The following C1QTNF3 variants were observed in gnomAD, a reference collection of about 807,000 sequenced individuals.
C1QTNF3 encodes C1q and TNF related 3, also known as complement C1q tumor necrosis factor-related protein 3.
Under a neutral mutation model 32.6 loss-of-function variants are expected in C1QTNF3, and 26 were observed. That is an observed-to-expected ratio of 0.80 (90% CI 0.58 to 1.11). The LOEUF is 1.11. Ranked by LOEUF, C1QTNF3 falls within the 50% of genes least tolerant of loss-of-function variation. The pLI, the probability that C1QTNF3 is intolerant of heterozygous loss-of-function variation, is 0.00. For missense variants in C1QTNF3, 362 were observed against 398.2 expected, an observed-to-expected ratio of 0.91 and a Z score of 0.77; for synonymous variants, 155 against 146.0, an observed-to-expected ratio of 1.06 and a Z score of -0.44.
At chr5:34,196,151 C>T in the C1QTNF3 span, among the ~76,000 whole-genome samples, 21 of 151,942 alleles carry the variant, frequency 1.4e-4, no homozygotes, top group African/African-American at 2.4e-4. Flanking sequence ...TGTTTGTTTG[C>T]TTTTGTTTTT....
At chr5:34,130,148 C>T in the C1QTNF3 span, among the ~76,000 whole-genome samples, 26 of 151,832 alleles carry the variant, frequency 1.7e-4, no homozygotes, top group African/African-American at 5.3e-4. Flanking sequence ...CACACACACA[C>T]ACATACATAC....
At chr5:34,118,949 G>C in the C1QTNF3 span, among the ~76,000 whole-genome samples, 1 of 151,606 alleles carries the variant, frequency 6.6e-6, no homozygotes. Flanking sequence ...TATATGTGTA[G>C]TGTGTGTGTT....
chr5:34,059,151 TCA>T, the C1QTNF3 span, among the ~76,000 whole-genome samples: 37 of 152,194 alleles, frequency 2.4e-4, no homozygotes, highest in Middle Eastern at 3.2e-3. Flanking sequence ...GTTTATTTTC[TCA>T]CAGTTTTGGG....
the C1QTNF3 span, among the ~76,000 whole-genome samples, chr5:34,056,416 A>ATGTGTG: frequency 1.6e-5 from 1 of 61,226 alleles, no homozygotes; most frequent in African/African-American, 4.6e-5. Context: ...ATATATGTAT[A>ATGTGTG]TGTATGTGTG....
At chr5:34,080,442 A>G in the C1QTNF3 span, among the ~76,000 whole-genome samples, 2 of 151,790 alleles carry the variant, frequency 1.3e-5, no homozygotes, top group Admixed American at 1.3e-4. Context: ...ATTTTTAAAT[A>G]TATATCATTT....
chr5:34,126,273 T>A, the C1QTNF3 span, among the ~76,000 whole-genome samples: 2 of 151,882 alleles, frequency 1.3e-5, no homozygotes, highest in East Asian at 1.9e-4. Flanking sequence ...GCCAAAGTTA[T>A]GTTTATTGAA....
the C1QTNF3 span, among the ~76,000 whole-genome samples, chr5:34,061,383 C>G: frequency 6.6e-6 from 1 of 152,096 alleles, no homozygotes; most frequent in African/African-American, 2.4e-5. Context: ...AGAACAGTGG[C>G]CTTCGTCTTG....
At chr5:34,150,331 T>A in the C1QTNF3 span, among the ~76,000 whole-genome samples, 5 of 108,728 alleles carry the variant, frequency 4.6e-5, no homozygotes, top group Non-Finnish European at 9.2e-5. Context: ...ACCCAGGAAT[T>A]GAACTCAGCT....
the C1QTNF3 span, among the ~76,000 whole-genome samples, chr5:34,088,414 T>C: frequency 6.6e-6 from 1 of 152,174 alleles, no homozygotes; most frequent in African/African-American, 2.4e-5. Context: ...AGAATGATAT[T>C]ATAAACATCC....
intron 4 of C1QTNF3, among the ~76,000 whole-genome samples, chr5:34,028,035 C>T (rs545519326): frequency 1.3e-5 from 2 of 152,108 alleles, no homozygotes; most frequent in East Asian, 1.9e-4. Context: ...TGCAGTCGCG[C>T]GATCTCCGCT....
chr5:34,213,090 T>C, the C1QTNF3 span, among the ~76,000 whole-genome samples: 2 of 152,220 alleles, frequency 1.3e-5, no homozygotes, highest in African/African-American at 4.8e-5. Context: ...TCATTTTCAA[T>C]AGAACACTAC....
the C1QTNF3 span, among the ~76,000 whole-genome samples, chr5:34,144,537 T>C: frequency 6.6e-5 from 10 of 152,110 alleles, no homozygotes; most frequent in African/African-American, 2.4e-4. Flanking sequence ...AGTCATAAAG[T>C]AAGTCTCAAT....
the C1QTNF3 span, among the ~76,000 whole-genome samples, chr5:34,216,937 C>T: frequency 2.6e-5 from 4 of 151,894 alleles, no homozygotes; most frequent in African/African-American, 7.3e-5. Context: ...GCAAATAAAA[C>T]GGTGTGTCAT....
At chr5:34,028,558 T>C (rs182566993) in intron 4 of C1QTNF3, among the ~76,000 whole-genome samples, 196 bp downstream of exon 4, 3 of 152,278 alleles carry the variant, frequency 2.0e-5, no homozygotes, top group African/African-American at 7.2e-5. Context: ...CCAACAGAAA[T>C]CTAAATGAGC....
At chr5:34,040,544 C>T (rs1041876483) in intron 1 of C1QTNF3, among the ~76,000 whole-genome samples, 8 of 152,052 alleles carry the variant, frequency 5.3e-5, no homozygotes, top group Non-Finnish European at 1.0e-4. Flanking sequence ...GTCTGCCCAC[C>T]CCAGATCTCT....
chr5:34,174,311 C>A, the C1QTNF3 span, among the ~76,000 whole-genome samples: 5 of 152,208 alleles, frequency 3.3e-5, no homozygotes, highest in Non-Finnish European at 7.3e-5. Context: ...CCCACCTCGG[C>A]CTCCCAAAGT....
At chr5:34,145,493 C>T in the C1QTNF3 span, among the ~76,000 whole-genome samples, 6 of 151,428 alleles carry the variant, frequency 4.0e-5, no homozygotes, top group East Asian at 9.7e-4. Flanking sequence ...GTATCAGTAA[C>T]AAAAAACCTA....
intron 1 of C1QTNF3, among the ~76,000 whole-genome samples, chr5:34,042,494 A>C (rs1754892287): frequency 6.6e-6 from 1 of 152,208 alleles, no homozygotes; most frequent in Admixed American, 6.5e-5. Flanking sequence ...TGCATGGGTC[A>C]GCACTCCTTT....
chr5:34,131,922 ATAAT>A, the C1QTNF3 span, among the ~76,000 whole-genome samples: 4 of 152,216 alleles, frequency 2.6e-5, no homozygotes, highest in African/African-American at 4.8e-5. Context: ...AAAAAATATA[ATAAT>A]TAAGAAAAAA....
Sources: allele counts gnomAD v4.1 joint callset (sites outside exome capture counted in the v4.1 genomes callset), GRCh38; gene constraint gnomAD v4.1.1; transcripts MANE v1.5; gene names NCBI Gene and HGNC (gene_info 2026-07-23, HGNC 2026-07-21).